The following MBNL2 variants were observed in gnomAD, a reference collection of about 807,000 sequenced individuals.
MBNL2 encodes muscleblind-like protein 2.
A neutral mutation model predicts 41.9 loss-of-function variants in MBNL2; 17 were observed. That is an observed-to-expected ratio of 0.41 (90% CI 0.28 to 0.61). The LOEUF is 0.61. Among genes scored for constraint, MBNL2 ranks in the 20% least tolerant of loss-of-function variants. MBNL2 has a pLI of 0.35. For missense variants in MBNL2, 336 were observed against 505.6 expected (o/e 0.66, Z 3.22); for synonymous variants, 195 against 182.9 (o/e 1.07, Z -0.53).
chr13:97,315,809 G>T (rs752704895), intron 2 of MBNL2, among the ~76,000 whole-genome samples: 6 of 152,048 alleles, frequency 3.9e-5, no homozygotes, highest in Non-Finnish European at 7.4e-5. Context: ...GATGTGGAAG[G>T]CCTTGCTCGT....
intron 1 of MBNL2, among the ~76,000 whole-genome samples, chr13:97,234,561 C>T (rs893165637): frequency 1.3e-5 from 2 of 152,158 alleles, no homozygotes; most frequent in African/African-American, 4.8e-5. Context: ...TCCACAACTG[C>T]ATGATGGGAT....
At chr13:97,185,954 C>G in the MBNL2 span, among the ~76,000 whole-genome samples, 2 of 152,224 alleles carry the variant, frequency 1.3e-5, no homozygotes, top group African/African-American at 2.4e-5. Context: ...TCCACTGCTT[C>G]TCTTCATTTT....
the MBNL2 span, among the ~76,000 whole-genome samples, chr13:97,159,147 G>A: frequency 2.0e-5 from 3 of 152,238 alleles, no homozygotes; most frequent in Admixed American, 2.0e-4. Flanking sequence ...TTACCATTAT[G>A]TAATGGCCTT....
At chr13:97,214,047 C>A in the MBNL2 span, among the ~76,000 whole-genome samples, 2 of 152,186 alleles carry the variant, frequency 1.3e-5, no homozygotes, top group African/African-American at 4.8e-5. Context: ...TAGAACCCAC[C>A]CACTTCTGAA....
intron 2 of MBNL2, among the ~76,000 whole-genome samples, chr13:97,288,185 T>C (rs1399551815): frequency 6.6e-6 from 1 of 152,164 alleles, no homozygotes; most frequent in East Asian, 1.9e-4. Context: ...TGTCAGTTTC[T>C]CTCTCTTTTT....
chr13:97,382,960 A>C (rs1166627851), intron 8 of MBNL2, among the ~76,000 whole-genome samples: 1 of 152,154 alleles, frequency 6.6e-6, no homozygotes, highest in African/African-American at 2.4e-5. Context: ...CCTCCTTCTG[A>C]ATAAATACAC....
the MBNL2 span, among the ~76,000 whole-genome samples, chr13:97,202,959 C>T: frequency 6.6e-6 from 1 of 152,122 alleles, no homozygotes; most frequent in African/African-American, 2.4e-5. Flanking sequence ...GTGTTGACTC[C>T]CCTTGGCTCC....
chr13:97,239,205 T>C (rs2043826996), intron 1 of MBNL2, among the ~76,000 whole-genome samples: 1 of 152,262 alleles, frequency 6.6e-6, no homozygotes, highest in South Asian at 2.1e-4. Context: ...TTTCCCTTCA[T>C]ACTACAGGGT....
chr13:97,154,840 T>TGG, the MBNL2 span, among the ~76,000 whole-genome samples: 13 of 152,002 alleles, frequency 8.6e-5, no homozygotes, highest in Admixed American at 2.6e-4. Context: ...GATGGATGGA[T>TGG]AGACAAGCTG....
chr13:97,142,134 CAATTA>C, the MBNL2 span, among the ~76,000 whole-genome samples: 149 of 152,234 alleles, frequency 9.8e-4, 2 homozygotes, highest in Non-Finnish European at 5.7e-4. Flanking sequence ...GTTTCTCTAT[CAATTA>C]AATTAAAGCT....
At chr13:97,217,091 G>T (rs995777086), upstream of MBNL2, among the ~76,000 whole-genome samples, 3 of 147,224 alleles carry the variant, frequency 2.0e-5, no homozygotes, top group African/African-American at 7.5e-5. Flanking sequence ...TATAATATAT[G>T]ATATATACAT....
At chr13:97,343,619 G>A (rs566823127) in intron 4 of MBNL2, among the ~76,000 whole-genome samples, 1 of 152,240 alleles carries the variant, frequency 6.6e-6, no homozygotes, top group East Asian at 1.9e-4. Context: ...CAGCAACCAG[G>A]GCAGCCGAGG....
chr13:97,283,154 T>A (rs1165753805), intron 2 of MBNL2, among the ~76,000 whole-genome samples: 1 of 152,210 alleles, frequency 6.6e-6, no homozygotes, highest in East Asian at 1.9e-4. Flanking sequence ...TTCCCTCTAA[T>A]GCCACCTCTT....
intron 8 of MBNL2, among the ~76,000 whole-genome samples, chr13:97,377,288 T>G (rs2065048524): frequency 6.6e-6 from 1 of 152,180 alleles, no homozygotes; most frequent in South Asian, 2.1e-4. Flanking sequence ...TAATATTTCA[T>G]ATTTCCAATG....
At chr13:97,301,118 G>A (rs1048728416) in intron 2 of MBNL2, among the ~76,000 whole-genome samples, 3 of 152,192 alleles carry the variant, frequency 2.0e-5, no homozygotes, top group African/African-American at 7.2e-5. Context: ...TCCTTAATGA[G>A]ATGAGACTGG....
the MBNL2 span, among the ~76,000 whole-genome samples, chr13:97,143,599 C>T: frequency 3.9e-5 from 6 of 152,188 alleles, no homozygotes; most frequent in Non-Finnish European, 7.3e-5. Context: ...TTCTTTAATT[C>T]ACAGATGATG....
At chr13:97,183,285 TG>T in the MBNL2 span, among the ~76,000 whole-genome samples, 7 of 152,228 alleles carry the variant, frequency 4.6e-5, no homozygotes, top group Non-Finnish European at 7.3e-5. Flanking sequence ...ATAGAAATCA[TG>T]GCAAATTCTA....
chr13:97,352,029 T>A (rs2062524821), intron 5 of MBNL2, among the ~76,000 whole-genome samples: 1 of 116,652 alleles, frequency 8.6e-6, no homozygotes, highest in Admixed American at 8.4e-5. Flanking sequence ...CTCAGAAAAA[T>A]AAAAATATAA....
the MBNL2 span, among the ~76,000 whole-genome samples, chr13:97,174,960 T>C: frequency 6.6e-6 from 1 of 152,142 alleles, no homozygotes; most frequent in Admixed American, 6.5e-5. Context: ...AAGGAGACTA[T>C]AGAATTCTCA....
Sources: allele counts gnomAD v4.1 joint callset (sites outside exome capture counted in the v4.1 genomes callset), GRCh38; gene constraint gnomAD v4.1.1; transcripts MANE v1.5; gene names NCBI Gene and HGNC (gene_info 2026-07-23, HGNC 2026-07-21).